ESRRG: variants seen among roughly 807,000 people sequenced by gnomAD.
The protein encoded by ESRRG is estrogen-related receptor gamma.
ESRRG carries 13 observed loss-of-function variants against 44.0 expected under a neutral mutation model. The observed-to-expected ratio is 0.30, with a 90% CI of 0.19 to 0.47. ESRRG has a LOEUF of 0.47. Ranked by LOEUF, ESRRG falls within the 20% of genes least tolerant of loss-of-function variation. The pLI is 1.00. For missense variants in ESRRG, 395 were observed against 580.6 expected (o/e 0.68, Z 3.29); for synonymous variants, 215 against 214.6 (o/e 1.00, Z -0.02).
intron 2 of ESRRG, among the ~76,000 whole-genome samples, chr1:216,670,107 C>T (rs2074864902): frequency 6.6e-6 from 1 of 152,154 alleles, no homozygotes; most frequent in Non-Finnish European, 1.5e-5. Flanking sequence ...TTTCTCTAGA[C>T]ACTATTTGGG....
chr1:216,928,530 T>C (rs1178462144), intron 2 of ESRRG, among the ~76,000 whole-genome samples: 2 of 152,184 alleles, frequency 1.3e-5, no homozygotes, highest in Admixed American at 1.3e-4. Context: ...AGCCTCCATG[T>C]TCGTGGACAT....
In ESRRG at chr1:216,939,955, G is replaced by A. The variant is rs142213236; in HGVS notation, c.-105-282C>T. ...GCTTTATCAGATTTATTAATCTTCT[G>A]CTCCTCTCTTATTTATAGCAAATGC... On this transcript the variant is annotated intron_variant, in intron 1 of 7. Coordinates refer to the ESRRG transcript ENST00000359162. 1.6e-4 allele frequency among the ~76,000 whole-genome samples: 25 copies of A among 151,942 alleles called. 1 individual carries two copies. The highest frequency in any genetic ancestry group is 5.6e-4 in the African/African-American group (23 of 41,414).
intron 1 of ESRRG, among the ~76,000 whole-genome samples, chr1:216,946,702 C>T (rs1026639599): frequency 1.3e-5 from 2 of 152,008 alleles, no homozygotes; most frequent in African/African-American, 4.8e-5. Flanking sequence ...CCATATCTTT[C>T]CTTTCTTCCT....
chr1:216,869,199 T>C (rs1650300439), intron 2 of ESRRG, among the ~76,000 whole-genome samples: 1 of 152,208 alleles, frequency 6.6e-6, no homozygotes, highest in Admixed American at 6.5e-5. Flanking sequence ...TTTTATGTTT[T>C]ACATCTAGAT....
chr1:216,797,507 A>G (rs534738426), intron 2 of ESRRG, among the ~76,000 whole-genome samples: 1 of 152,146 alleles, frequency 6.6e-6, no homozygotes, highest in African/African-American at 2.4e-5. Context: ...TAACCCACAT[A>G]GTCTGATAAA....
At chr1:216,664,843 T>G (rs924446861) in intron 2 of ESRRG, among the ~76,000 whole-genome samples, 5 of 152,162 alleles carry the variant, frequency 3.3e-5, no homozygotes, top group Non-Finnish European at 7.4e-5. Flanking sequence ...AGAATTACCA[T>G]GTGATCCAGT....
intron 2 of ESRRG, among the ~76,000 whole-genome samples, chr1:216,835,768 C>T (rs895372997): frequency 2.0e-5 from 3 of 152,100 alleles, no homozygotes; most frequent in African/African-American, 4.8e-5. Flanking sequence ...CTACCAGGAA[C>T]GGGAGTCAGG....
chr1:216,532,253 A>T (rs2049597936), intron 5 of ESRRG, among the ~76,000 whole-genome samples: 1 of 152,110 alleles, frequency 6.6e-6, no homozygotes, highest in South Asian at 2.1e-4. Context: ...GCAGCTGGTT[A>T]AGATGCCATG....
intron 2 of ESRRG, among the ~76,000 whole-genome samples, chr1:216,877,909 G>A (rs539160245): frequency 3.3e-5 from 5 of 152,086 alleles, no homozygotes; most frequent in South Asian, 2.1e-4. Context: ...GTATCCATTC[G>A]TCCAGTGATG....
intron 2 of ESRRG, among the ~76,000 whole-genome samples, chr1:216,796,137 A>G (rs1472516746): frequency 6.6e-6 from 1 of 152,154 alleles, no homozygotes; most frequent in Non-Finnish European, 1.5e-5. Context: ...TCTCTTTGTA[A>G]AAAATTAGCT....
chr1:216,598,862 A>C (rs1227375535), intron 3 of ESRRG, among the ~76,000 whole-genome samples: 1 of 152,246 alleles, frequency 6.6e-6, no homozygotes, highest in African/African-American at 2.4e-5. Context: ...CTGTGTGCAG[A>C]GAAGAGCATA....
chr1:217,034,593 C>T (rs1328495260), intron 1 of ESRRG, among the ~76,000 whole-genome samples: 1 of 152,188 alleles, frequency 6.6e-6, no homozygotes, highest in African/African-American at 2.4e-5. Context: ...ACATCTAAAC[C>T]ACTAGGGCAA....
intron 1 of ESRRG, among the ~76,000 whole-genome samples, chr1:217,021,377 A>G (rs747205213): frequency 4.6e-5 from 7 of 152,162 alleles, no homozygotes; most frequent in Non-Finnish European, 7.4e-5. Context: ...TCTCATTAAC[A>G]CTCTGCTTTG....
At chr1:216,600,230 C>G (rs1441352131) in intron 3 of ESRRG, among the ~76,000 whole-genome samples, 1 of 152,164 alleles carries the variant, frequency 6.6e-6, no homozygotes, top group Non-Finnish European at 1.5e-5. Context: ...TTTTAGGACA[C>G]TGAAACCATT....
At chr1:216,678,244 C>G (rs145182245) in intron 1 of ESRRG, among the ~76,000 whole-genome samples, 2 of 152,308 alleles carry the variant, frequency 1.3e-5, no homozygotes, top group East Asian at 3.9e-4. Context: ...TGACTCATCA[C>G]CAACATTCAT....
chr1:216,838,493 T>C (rs549776386), intron 2 of ESRRG, among the ~76,000 whole-genome samples: 2 of 152,280 alleles, frequency 1.3e-5, no homozygotes, highest in South Asian at 4.1e-4. Flanking sequence ...TTCAATGAAT[T>C]TTAGAGGAAT....
At position 217,065,943 on chromosome 1, in the gene ESRRG, T is replaced by A. The variant is rs528672102; in HGVS notation, c.-106+23564A>T. The stretch of plus-strand genomic sequence containing the variant: ...GTTGTCATTGCCCTGTTCCTTACAT[T>A]TTCTATCAGGAGCTCACCATATTCC... On this transcript the variant is annotated intron_variant, in intron 1 of 7. Transcript: ENST00000359162. Among the ~76,000 whole-genome samples, 43 of 152,294 alleles carry A rather than the reference T, an allele frequency of 2.8e-4. 1 individual carries two copies. The highest frequency in any genetic ancestry group is 9.1e-4 in the African/African-American group (38 of 41,552).
intron 1 of ESRRG, among the ~76,000 whole-genome samples, chr1:217,098,277 A>G (rs1034857070): frequency 1.3e-5 from 2 of 152,052 alleles, no homozygotes; most frequent in Non-Finnish European, 2.9e-5. Context: ...CTCTCTGAGT[A>G]CCAAAAAGCA....
At chr1:216,812,291 A>G (rs2094996729) in intron 2 of ESRRG, among the ~76,000 whole-genome samples, 1 of 152,188 alleles carries the variant, frequency 6.6e-6, no homozygotes, top group African/African-American at 2.4e-5. Flanking sequence ...AAGAATAGGG[A>G]AATTTTTGCT....
Sources: gnomAD v4.1 joint callset for allele counts (sites outside exome capture counted in the v4.1 genomes callset) on GRCh38, gnomAD v4.1.1 for gene constraint, MANE v1.5 for transcripts, NCBI Gene and HGNC (gene_info 2026-07-23, HGNC 2026-07-21) for gene names.